Variants in PHF2 observed in about 807,000 individuals in gnomAD.
The protein encoded by PHF2 is lysine-specific demethylase PHF2.
A neutral mutation model predicts 120.5 loss-of-function variants in PHF2; 27 were observed. The ratio of observed to expected loss-of-function variants is 0.22; its 90% CI spans 0.17 to 0.31. The LOEUF (loss-of-function observed/expected upper bound fraction) is 0.31, where lower values mean the gene tolerates loss of function less well. Ranked by LOEUF, PHF2 falls within the 10% of genes least tolerant of loss-of-function variation. The pLI is 1.00. For missense variants in PHF2, 1,024 were observed against 1,434.8 expected (o/e 0.71, Z 4.63); for synonymous variants, 568 against 592.5 (o/e 0.96, Z 0.60).
chr9:93,656,031 G>T lies in PHF2; in HGVS notation c.1040+10G>T. ...TGGAGATGCAGATGAGGTAGTGCCTGCCGCGCTGTCTGCCCTCGGGCTCCG... is the reference window on the plus strand; with the variant it reads ...TGGAGATGCAGATGAGGTAGTGCCTTCCGCGCTGTCTGCCCTCGGGCTCCG... On this transcript the variant is annotated intron_variant, in intron 8 of 21. Coordinates refer to ENST00000359246, the MANE Select transcript of PHF2 (RefSeq NM_005392.4). The surrounding 1 kb of genome is among the most constrained non-coding windows in gnomAD (Gnocchi z 4.1). 1 of 1,608,916 alleles carries T rather than the reference G, an allele frequency of 6.2e-7. No individual in the cohort carries two copies. Among genetic ancestry groups the T allele is most frequent in the East Asian group, 2.2e-5 (1 of 44,670 alleles).
At chr9:93,589,717 TTAAA>T (rs1278457447) in intron 1 of PHF2, among the ~76,000 whole-genome samples, 2 of 152,208 alleles carry the variant, frequency 1.3e-5, no homozygotes, top group African/African-American at 4.8e-5. Flanking sequence ...AAGAAAAATT[TTAAA>T]AAGAGTGAGA....
At chr9:93,578,538 T>A (rs866301722) in intron 1 of PHF2, among the ~76,000 whole-genome samples, 2 of 152,206 alleles carry the variant, frequency 1.3e-5, no homozygotes, top group East Asian at 3.9e-4. Context: ...GTCACTCTGC[T>A]ACAGAACCTT....
rs547405539 is a variant in PHF2 at position 93,648,405 on chromosome 9, T to C, written c.461-666T>C. Among the ~76,000 whole-genome samples, 4 of 152,348 alleles carry C rather than the reference T, an allele frequency of 2.6e-5. No homozygotes were observed. The East Asian group carries it at 7.7e-4, about 29-fold the overall frequency. On this transcript the variant is annotated intron_variant, in intron 4 of 21. Transcript: ENST00000359246. Reference sequence around the variant, plus strand: ...GTTGTGCCTGGCCACACTCTTGCAGTGATGCAGACAAGGCCAGTGGCCCCG... The same window carrying C: ...GTTGTGCCTGGCCACACTCTTGCAGCGATGCAGACAAGGCCAGTGGCCCCG...
rs1222039510 is a variant in PHF2 at position 93,656,342 on chromosome 9, C to T, written c.1041-147C>T. ...CTCTCATGGGCCCCGAGGTCTGCAGCCACCAGGGCAGTTTTCCCCTGGTCC... is the reference window on the plus strand; with the variant it reads ...CTCTCATGGGCCCCGAGGTCTGCAGTCACCAGGGCAGTTTTCCCCTGGTCC... On this transcript the variant is annotated intron_variant, in intron 8 of 21. Coordinates refer to ENST00000359246, the MANE Select transcript of PHF2 (RefSeq NM_005392.4). This position sits in a 1 kb window ranked among gnomAD's most constrained non-coding sequence, Gnocchi z 4.1. 2 of 651,058 alleles carry T rather than the reference C, an allele frequency of 3.1e-6. No individual in the cohort carries two copies. The highest frequency in any genetic ancestry group is 5.4e-6 in the Non-Finnish European group (2 of 369,048). 40.3% of individuals were successfully genotyped at this position (651,058 alleles called of 1,614,324 possible).
chr9:93,629,928 G>A, intron 1 of PHF2, 42 bp from the exon 2 acceptor site: 1 of 1,581,840 alleles, frequency 6.3e-7, no homozygotes, highest in Non-Finnish European at 8.7e-7. Context: ...GCTTGAGGGG[G>A]TGCTGAATGC....
chr9:93,589,532 G>A (rs991630975), intron 1 of PHF2, among the ~76,000 whole-genome samples: 6 of 152,162 alleles, frequency 3.9e-5, no homozygotes, highest in African/African-American at 1.2e-4. Context: ...ACCCAGTTGA[G>A]GGCAAGAAAT....
chr9:93,653,542 T>A (rs1313539701), intron 6 of PHF2, among the ~76,000 whole-genome samples, 177 bp downstream of exon 6: 6 of 151,964 alleles, frequency 3.9e-5, no homozygotes, highest in African/African-American at 9.7e-5. Context: ...GGGGCAGGGG[T>A]GCATGTGGGA....
chr9:93,664,878 C>T (rs1359813497), intron 14 of PHF2, among the ~76,000 whole-genome samples: 1 of 152,234 alleles, frequency 6.6e-6, no homozygotes, highest in Non-Finnish European at 1.5e-5. Flanking sequence ...GCTCGCCGCC[C>T]CTTCACTTAG....
chr9:93,629,927 G>A, intron 1 of PHF2, 43 bp from the exon 2 acceptor site: 1 of 1,574,466 alleles, frequency 6.4e-7, no homozygotes, highest in Non-Finnish European at 8.7e-7. Flanking sequence ...TGCTTGAGGG[G>A]GTGCTGAATG....
At chr9:93,583,555 C>CA (rs1042238065) in intron 1 of PHF2, among the ~76,000 whole-genome samples, 13 of 149,408 alleles carry the variant, frequency 8.7e-5, no homozygotes, top group Non-Finnish European at 1.8e-4. Context: ...TCCACATCCT[C>CA]ACCAACACTT....
At chr9:93,661,322 G>A (rs1178833790) in intron 12 of PHF2, among the ~76,000 whole-genome samples, 1 of 152,148 alleles carries the variant, frequency 6.6e-6, no homozygotes, top group Non-Finnish European at 1.5e-5. Context: ...GGGTGTAGTG[G>A]GACGCTTTTG....
intron 15 of PHF2, 21 bp downstream of exon 15, chr9:93,665,885 G>C: frequency 6.2e-7 from 1 of 1,612,764 alleles, no homozygotes; most frequent in Non-Finnish European, 8.5e-7. Context: ...AGGGGGTGTT[G>C]GGGGAGGGGT....
chr9:93,664,484 G>A lies in PHF2; in HGVS notation c.1937+849G>A, dbSNP rs529187728. 7.2e-5 allele frequency among the ~76,000 whole-genome samples: 11 copies of A among 152,290 alleles called. No individual in the cohort carries two copies. In the East Asian group the frequency reaches 9.6e-4, roughly 13 times the overall value. On this transcript the variant is annotated intron_variant, in intron 14 of 21. Transcript: ENST00000359246. ...TCAGACAGGTCCCAGCAGGAGGGGCGGCCACTTTTCTGCAGCAGCCACTGA... is the reference window on the plus strand; with the variant it reads ...TCAGACAGGTCCCAGCAGGAGGGGCAGCCACTTTTCTGCAGCAGCCACTGA...
chr9:93,672,053 G>A (rs1291945720), intron 17 of PHF2, among the ~76,000 whole-genome samples: 1 of 146,264 alleles, frequency 6.8e-6, no homozygotes. Flanking sequence ...TGCAGGTGTG[G>A]GTGTGGGAGT....
chr9:93,584,072 C>G (rs968018203), intron 1 of PHF2, among the ~76,000 whole-genome samples: 3 of 152,136 alleles, frequency 2.0e-5, no homozygotes. Flanking sequence ...AGGTGATCTT[C>G]CTGCCTTGGC....
At chr9:93,675,115 C>A in intron 19 of PHF2, 93 bp downstream of exon 19, 1 of 1,005,664 alleles carries the variant, frequency 9.9e-7, no homozygotes, top group Non-Finnish European at 1.5e-6. Flanking sequence ...AGAATGTGGG[C>A]TCAGCTCTGC....
intron 1 of PHF2, among the ~76,000 whole-genome samples, chr9:93,585,291 G>A (rs1863018948): frequency 6.6e-6 from 1 of 152,194 alleles, no homozygotes; most frequent in South Asian, 2.1e-4. Flanking sequence ...TTGTGTATGG[G>A]GTCCTCTTGT....
At chr9:93,607,103 G>A (rs924611354) in intron 1 of PHF2, among the ~76,000 whole-genome samples, 1 of 152,124 alleles carries the variant, frequency 6.6e-6, no homozygotes, top group Non-Finnish European at 1.5e-5. Flanking sequence ...CTTGATTACT[G>A]TAGCTTCATA....
rs139092847 is a variant in PHF2, at chr9:93,630,038, C to G, written c.167C>G (p.Thr56Ser). Residue 56 changes from threonine to serine, a missense_variant, in exon 2 of 22, where the codon ACC (threonine) becomes AGC (serine). Physicochemically the swap from Thr to Ser is moderately conservative, Grantham distance 58. Transcript: ENST00000359246. ...TACCACTGCCCAAACTGTGAGAAAA[C>G]CCATGGGAAGTCCACCTGTAAGTAC... ...DIYHCPNCEK[T>S]HGKSTLKKKR... is the part of the protein sequence containing the mutation. 6.2e-7 allele frequency: 1 copy of G among 1,613,400 alleles called. No homozygotes were observed. Among genetic ancestry groups the G allele is most frequent in the African/African-American group, 1.3e-5 (1 of 75,036 alleles).
Sources: allele counts gnomAD v4.1 joint callset (sites outside exome capture counted in the v4.1 genomes callset), GRCh38; gene constraint gnomAD v4.1.1; non-coding constraint Gnocchi (gnomAD v3.1); transcripts MANE v1.5; gene names NCBI Gene and HGNC (gene_info 2026-07-23, HGNC 2026-07-21).